The following TMEM132D variants were observed in gnomAD, a reference collection of about 807,000 sequenced individuals.
The protein encoded by TMEM132D is transmembrane protein 132D, also known as mature OL transmembrane protein.
A neutral mutation model predicts 62.3 loss-of-function variants in TMEM132D; 21 were observed. The observed-to-expected ratio is 0.34, with a 90% CI of 0.24 to 0.49. The LOEUF (loss-of-function observed/expected upper bound fraction) is 0.49. TMEM132D is among the 20% of genes least tolerant of loss of function. TMEM132D has a pLI of 0.99. For missense variants in TMEM132D, 1,346 were observed against 1,402.8 expected (o/e 0.96, Z 0.65); for synonymous variants, 621 against 575.6 (o/e 1.08, Z -1.13).
At position 129,441,233 on chromosome 12, in the gene TMEM132D, C is replaced by G. The variant is rs564945951; in HGVS notation, c.1115+89826G>C. The stretch of plus-strand genomic sequence containing the variant: ...TTTCAGCATCAGGAAAGGGTAGAGT[C>G]TCGTGACTCTTAAGTGCAGGATCAT... On this transcript the variant is annotated intron_variant, in intron 3 of 8. Coordinates refer to ENST00000422113, the MANE Select transcript of TMEM132D (RefSeq NM_133448.3). Among the ~76,000 whole-genome samples the G allele has an allele frequency of 2.6e-5, 4 of 152,226 alleles. No homozygotes were observed. In the East Asian group the frequency reaches 7.7e-4, roughly 29 times the overall value.
intron 5 of TMEM132D, among the ~76,000 whole-genome samples, chr12:129,203,652 G>A (rs1443899925): frequency 1.3e-5 from 2 of 152,242 alleles, no homozygotes; most frequent in Non-Finnish European, 2.9e-5. Context: ...CTGGATGTCT[G>A]GGCAGGGAAC....
rs565021234 is a variant in TMEM132D, at chr12:129,084,562, G to A, written c.1584C>T (p.Ile528=). 11 of 1,613,920 alleles carry A rather than the reference G, an allele frequency of 6.8e-6. No homozygotes were observed. The highest frequency in any genetic ancestry group is 5.3e-5 in the African/African-American group (4 of 75,014). Residue 528 remains isoleucine, a synonymous_variant, in exon 6 of 9, where the codon ATC becomes ATT. Coordinates refer to ENST00000422113, the MANE Select transcript of TMEM132D (RefSeq NM_133448.3). ...TVWVPRLPLQ[I]EVSDTELNQI... ...GATTGAGCTCGGTGTCGGAGACCTC[G>A]ATCTGCAGCGGAAGCCGGGGCACCC...
At chr12:129,650,401 CA>C (rs1328820538) in intron 2 of TMEM132D, among the ~76,000 whole-genome samples, 9 of 152,110 alleles carry the variant, frequency 5.9e-5, no homozygotes, top group African/African-American at 1.9e-4. Context: ...CTATTAAAAA[CA>C]ATGGTGTTTT....
intron 3 of TMEM132D, among the ~76,000 whole-genome samples, chr12:129,367,777 C>CTTTTTTTT (rs60004106): frequency 1.2e-4 from 15 of 122,258 alleles, no homozygotes; most frequent in East Asian, 7.2e-4. Flanking sequence ...CATTTCTTTT[C>CTTTTTTTT]TTTTTTTTTT....
At chr12:129,236,104 T>TTGTGTGTGTGTGTGTG (rs71072452) in intron 4 of TMEM132D, among the ~76,000 whole-genome samples, 4 of 146,808 alleles carry the variant, frequency 2.7e-5, no homozygotes, top group Non-Finnish European at 6.0e-5. Flanking sequence ...TGATGCTATT[T>TTGTGTGTGTGTGTGTG]TGTGTGTGTG....
At chr12:129,602,757 GTA>G (rs1878514774) in intron 2 of TMEM132D, among the ~76,000 whole-genome samples, 1 of 152,126 alleles carries the variant, frequency 6.6e-6, no homozygotes, top group African/African-American at 2.4e-5. Context: ...GTTAATGTGT[GTA>G]TTAGTCCATT....
chr12:129,875,133 G>A (rs184740530), intron 1 of TMEM132D, among the ~76,000 whole-genome samples: 2 of 152,364 alleles, frequency 1.3e-5, no homozygotes, highest in Admixed American at 1.3e-4. Flanking sequence ...GCACCAAGAC[G>A]ACAATTGAGC....
chr12:129,077,763 TCAC>T (rs1411204792), intron 8 of TMEM132D, among the ~76,000 whole-genome samples: 1 of 150,978 alleles, frequency 6.6e-6, no homozygotes, highest in African/African-American at 2.4e-5. Flanking sequence ...CACGATACAT[TCAC>T]AACACACATA....
At chr12:129,207,415 T>C (rs1335612915) in intron 5 of TMEM132D, among the ~76,000 whole-genome samples, 1 of 152,186 alleles carries the variant, frequency 6.6e-6, no homozygotes, top group African/African-American at 2.4e-5. Flanking sequence ...ATGCTATGTA[T>C]GACATATACG....
intron 4 of TMEM132D, among the ~76,000 whole-genome samples, chr12:129,230,726 A>G (rs941559129): frequency 6.6e-6 from 1 of 152,162 alleles, no homozygotes; most frequent in African/African-American, 2.4e-5. Flanking sequence ...TGCCTAGCTG[A>G]TGTCTCCACT....
chr12:129,637,558 G>T (rs1434624968), intron 2 of TMEM132D, among the ~76,000 whole-genome samples: 3 of 152,086 alleles, frequency 2.0e-5, no homozygotes, highest in Admixed American at 2.0e-4. Flanking sequence ...CTTCCTCCTG[G>T]TCTGGCCATG....
chr12:129,699,991 G>T lies in TMEM132D; in HGVS notation c.787C>A (p.Pro263Thr). 2 of 1,614,048 alleles carry T rather than the reference G, an allele frequency of 1.2e-6. No homozygotes were observed. The highest frequency in any genetic ancestry group is 1.7e-6 in the Non-Finnish European group (2 of 1,180,028). Reference protein sequence around the residue: ...GHSDIDESGPPLQRIGSIFLY... With the variant: ...GHSDIDESGPTLQRIGSIFLY... ...AAGATGCTCCCGATCCTCTGCAAGG[G>T]GGGCCCGGACTCATCGATGTCACTG... The change falls in exon 2 of 9, where the codon CCC becomes ACC. Residue 263 changes from proline to threonine, a missense_variant. Transcript: ENST00000422113.
intron 5 of TMEM132D, among the ~76,000 whole-genome samples, chr12:129,095,050 G>GA (rs1875056344): frequency 6.7e-6 from 1 of 149,912 alleles, no homozygotes; most frequent in East Asian, 2.0e-4. Context: ...GGGGAGGGGG[G>GA]AAGGATAGCA....
chr12:129,878,997 A>T (rs1003737545), intron 1 of TMEM132D, among the ~76,000 whole-genome samples: 3 of 152,164 alleles, frequency 2.0e-5, no homozygotes, highest in African/African-American at 7.2e-5. Flanking sequence ...CTACTCTCTC[A>T]GTTTCTTCCC....
intron 3 of TMEM132D, among the ~76,000 whole-genome samples, chr12:129,490,778 T>C (rs1006423933): frequency 1.3e-5 from 2 of 151,778 alleles, no homozygotes; most frequent in Admixed American, 6.6e-5. Context: ...ATGAAAGAAC[T>C]CTGGTGACCC....
intron 1 of TMEM132D, among the ~76,000 whole-genome samples, chr12:129,792,451 C>A (rs1265208861): frequency 6.6e-6 from 1 of 152,186 alleles, no homozygotes; most frequent in Non-Finnish European, 1.5e-5. Context: ...TCAATGTTAG[C>A]TATTTTTATA....
chr12:129,352,268 C>T (rs11060268), intron 3 of TMEM132D, among the ~76,000 whole-genome samples: 36,122 of 152,014 alleles, frequency 0.24, 4,820 homozygotes, highest in East Asian at 0.56. Context: ...ATAATAATAT[C>T]GATTCTTGCA....
At chr12:129,662,818 G>GAGAA in intron 2 of TMEM132D, among the ~76,000 whole-genome samples, 1 of 145,266 alleles carries the variant, frequency 6.9e-6, no homozygotes, top group Non-Finnish European at 1.5e-5. Context: ...AAAAAAGAGA[G>GAGAA]AGAGAGAAAG....
intron 1 of TMEM132D, among the ~76,000 whole-genome samples, chr12:129,700,931 G>C (rs1189190739): frequency 6.6e-6 from 1 of 152,102 alleles, no homozygotes; most frequent in Non-Finnish European, 1.5e-5. Context: ...TAAAAAAGTT[G>C]AGCATGCAAA....
Sources: gnomAD v4.1 joint callset for allele counts (sites outside exome capture counted in the v4.1 genomes callset) on GRCh38, gnomAD v4.1.1 for gene constraint, MANE v1.5 for transcripts, NCBI Gene and HGNC (gene_info 2026-07-23, HGNC 2026-07-21) for gene names.